SPIDR: variants seen among roughly 807,000 people sequenced by gnomAD.
SPIDR encodes the protein DNA repair-scaffolding protein.
A neutral mutation model predicts 104.6 loss-of-function variants in SPIDR; 93 were observed. The observed-to-expected ratio is 0.89, with a 90% confidence interval of 0.75 to 1.06. The LOEUF (loss-of-function observed/expected upper bound fraction) is 1.06, where lower values mean the gene tolerates loss of function less well. Among genes scored for constraint, SPIDR ranks in the 50% least tolerant of loss-of-function variants. The pLI is 0.00. For missense variants in SPIDR, 1,154 were observed against 1,111.2 expected, an observed-to-expected ratio of 1.04 and a Z score of -0.55; for synonymous variants, 431 against 416.9, an observed-to-expected ratio of 1.03 and a Z score of -0.41.
intron 10 of SPIDR, among the ~76,000 whole-genome samples, chr8:47,603,247 T>A (rs2062518102): frequency 6.6e-6 from 1 of 152,088 alleles, no homozygotes; most frequent in Middle Eastern, 3.2e-3. Flanking sequence ...TCCTTAGTGA[T>A]TCTCTGTGTC....
chr8:47,524,746 ACT>A (rs1449149961), intron 8 of SPIDR, among the ~76,000 whole-genome samples: 2 of 152,228 alleles, frequency 1.3e-5, no homozygotes, highest in Non-Finnish European at 2.9e-5. Context: ...GTCAGAGAAC[ACT>A]CAGAGGTTGG....
intron 8 of SPIDR, among the ~76,000 whole-genome samples, chr8:47,566,056 G>A (rs2057796809): frequency 7.8e-6 from 1 of 127,886 alleles, no homozygotes; most frequent in African/African-American, 3.0e-5. Flanking sequence ...GCACAGGCTG[G>A]AGTGCAGTGG....
chr8:47,549,189 T>C (rs2090018504), intron 8 of SPIDR, among the ~76,000 whole-genome samples: 1 of 152,232 alleles, frequency 6.6e-6, no homozygotes, highest in Admixed American at 6.5e-5. Flanking sequence ...TTTGGGTTGG[T>C]TCCAAGTCTT....
chr8:47,688,016 A>AGTTGTGT (rs1554578541), intron 11 of SPIDR, among the ~76,000 whole-genome samples: 15 of 145,762 alleles, frequency 1.0e-4, no homozygotes, highest in South Asian at 6.6e-4. Flanking sequence ...AAAAAAAAAA[A>AGTTGTGT]GTGTGTGTGT....
At chr8:47,428,993 T>C (rs1251284802) in intron 7 of SPIDR, among the ~76,000 whole-genome samples, 1 of 152,176 alleles carries the variant, frequency 6.6e-6, no homozygotes, top group Non-Finnish European at 1.5e-5. Context: ...GCAATGATAT[T>C]TAGTATTGTT....
At position 47,547,132 on chromosome 8, in the gene SPIDR, T is replaced by C. The variant is rs144695779; in HGVS notation, c.1098-48679T>C. 2.2e-3 allele frequency: 1,308 copies of C among 591,560 alleles called. 5 individuals carry two copies. Among genetic ancestry groups the C allele is most frequent in the Non-Finnish European group, 3.7e-3 (1,128 of 306,524 alleles). The allele number at this position is 591,560 out of a possible 1,614,324, so 36.6% of individuals were successfully genotyped here. A position where few individuals can be genotyped will look rare whatever the true frequency, so the allele number is the denominator to read the frequency against. ...ATCTGAATGGGATCATTCACCTTGA[T>C]GGAGGGGATCAGGGTAGCAGATGAT... On this transcript the variant is annotated intron_variant, in intron 8 of 19. Transcript: ENST00000297423.
chr8:47,625,686 T>G (rs904728258), intron 10 of SPIDR, among the ~76,000 whole-genome samples: 8 of 152,130 alleles, frequency 5.3e-5, no homozygotes, highest in African/African-American at 1.9e-4. Context: ...ACAAGGGACG[T>G]GAAGGACCTC....
At chr8:47,530,481 GA>G (rs139938070) in intron 8 of SPIDR, among the ~76,000 whole-genome samples, 44 of 148,860 alleles carry the variant, frequency 3.0e-4, no homozygotes, top group Non-Finnish European at 4.3e-4. Context: ...CATGGTGTCA[GA>G]AAAAAAAAAT....
At chr8:47,362,767 A>G (rs1487933670) in intron 5 of SPIDR, among the ~76,000 whole-genome samples, 2 of 152,098 alleles carry the variant, frequency 1.3e-5, no homozygotes, top group Non-Finnish European at 2.9e-5. Context: ...ATTCTGCTTC[A>G]GCCTCCCGAG....
At chr8:47,392,822 G>T (rs1329438032) in intron 5 of SPIDR, among the ~76,000 whole-genome samples, 1 of 152,084 alleles carries the variant, frequency 6.6e-6, no homozygotes, top group African/African-American at 2.4e-5. Flanking sequence ...AAATTATCAG[G>T]TCTGCTGTTT....
chr8:47,339,449 A>G (rs568177955), intron 5 of SPIDR, among the ~76,000 whole-genome samples: 90 of 152,296 alleles, frequency 5.9e-4, no homozygotes, highest in Non-Finnish European at 1.0e-3. Flanking sequence ...TAATTAACCT[A>G]TATCTTAATA....
chr8:47,344,267 C>T (rs564451412), intron 5 of SPIDR, among the ~76,000 whole-genome samples: 48 of 152,152 alleles, frequency 3.2e-4, no homozygotes, highest in African/African-American at 1.1e-3. Context: ...TGGTTTCCAC[C>T]TTCATCCATG....
At chr8:47,651,361 TA>T (rs2071590488) in intron 10 of SPIDR, among the ~76,000 whole-genome samples, 2 of 152,154 alleles carry the variant, frequency 1.3e-5, no homozygotes, top group South Asian at 4.1e-4. Flanking sequence ...TCAACATCAC[TA>T]ATTATCAGGG....
chr8:47,287,279 C>T (rs2039026695), intron 3 of SPIDR, among the ~76,000 whole-genome samples: 1 of 152,006 alleles, frequency 6.6e-6, no homozygotes, highest in East Asian at 1.9e-4. Context: ...AGGCAAAGGG[C>T]AAAGCAAAGA....
At chr8:47,315,848 C>T (rs2045240651) in intron 5 of SPIDR, among the ~76,000 whole-genome samples, 1 of 152,030 alleles carries the variant, frequency 6.6e-6, no homozygotes, top group African/African-American at 2.4e-5. Context: ...ACATGGTACC[C>T]AAAAGATAAA....
chr8:47,539,871 G>A (rs2087762556), intron 8 of SPIDR, among the ~76,000 whole-genome samples: 1 of 152,160 alleles, frequency 6.6e-6, no homozygotes, highest in African/African-American at 2.4e-5. Flanking sequence ...TCCATGGTGG[G>A]AAGCTGGCCT....
intron 8 of SPIDR, among the ~76,000 whole-genome samples, chr8:47,470,974 T>G (rs1338763492): frequency 6.6e-6 from 1 of 152,136 alleles, no homozygotes; most frequent in Non-Finnish European, 1.5e-5. Context: ...GACCTTGTGA[T>G]CCGCCCGCCT....
chr8:47,690,323 A>G (rs2078460807), intron 11 of SPIDR, among the ~76,000 whole-genome samples: 1 of 152,092 alleles, frequency 6.6e-6, no homozygotes, highest in Non-Finnish European at 1.5e-5. Flanking sequence ...GTAATTTCCC[A>G]ATGAAGTAGA....
chr8:47,327,391 C>CT (rs375122007), intron 5 of SPIDR, among the ~76,000 whole-genome samples: 2,132 of 132,582 alleles, frequency 0.016, 22 homozygotes, highest in African/African-American at 0.024. Context: ...GGTTTTTTCA[C>CT]TTTTTTTTTT....
Sources: gnomAD v4.1 joint callset for allele counts (sites outside exome capture counted in the v4.1 genomes callset) on GRCh38, gnomAD v4.1.1 for gene constraint, MANE v1.5 for transcripts, NCBI Gene and HGNC (gene_info 2026-07-23, HGNC 2026-07-21) for gene names.